Variants in TNFRSF1A observed in about 807,000 individuals in gnomAD.
TNFRSF1A encodes tumor necrosis factor receptor superfamily member 1A.
A neutral mutation model predicts 41.6 loss-of-function variants in TNFRSF1A; 9 were observed. The observed-to-expected ratio is 0.22, with a 90% CI of 0.13 to 0.38. TNFRSF1A has a LOEUF of 0.38. TNFRSF1A is among the 10% of genes least tolerant of loss of function. TNFRSF1A has a pLI of 1.00. For missense variants in TNFRSF1A, 463 were observed against 591.5 expected, an observed-to-expected ratio of 0.78 and a Z score of 2.25; for synonymous variants, 254 against 248.6, an observed-to-expected ratio of 1.02 and a Z score of -0.21.
intron 1 of TNFRSF1A, among the ~76,000 whole-genome samples, chr12:6,339,841 T>TCTCACACA (rs762783221): frequency 0.016 from 1,774 of 113,598 alleles, 20 homozygotes; most frequent in African/African-American, 0.044. Flanking sequence ...TCTCTCTCTC[T>TCTCACACA]CACACACACA....
chr12:6,341,753 C>G lies in TNFRSF1A; in HGVS notation c.39+23G>C, dbSNP rs4441073. ...AAGGTGCCTCGCCCACCAGCCCACTCTTCCCTTTGTCCCTGGTCTCACCAG... is the reference window on the plus strand; with the variant it reads ...AAGGTGCCTCGCCCACCAGCCCACTGTTCCCTTTGTCCCTGGTCTCACCAG... On this transcript the variant is annotated intron_variant, in intron 1 of 9. Coordinates refer to ENST00000162749, the MANE Select transcript of TNFRSF1A (RefSeq NM_001065.4). This position sits in a 1 kb window ranked among gnomAD's most constrained non-coding sequence, Gnocchi z 4.6. 6.2e-7 allele frequency: 1 copy of G among 1,613,952 alleles called. No individual in the cohort carries two copies. The highest frequency in any genetic ancestry group is 1.1e-5 in the South Asian group (1 of 91,078).
rs4149571 is a variant in TNFRSF1A, at chr12:6,341,029, G to T, written c.39+747C>A. ...ACAGGCCCAGGGACACTGACCAGGT[G>T]GGGGTAGGACTAGCTCCCTGGGAAG... On this transcript the variant is annotated intron_variant, in intron 1 of 9. Transcript: ENST00000162749. The surrounding 1 kb of genome is among the most constrained non-coding windows in gnomAD (Gnocchi z 4.6). Among the ~76,000 whole-genome samples, 1,264 of 152,270 alleles carry T rather than the reference G, an allele frequency of 8.3e-3. 9 individuals carry two copies. Among genetic ancestry groups the T allele is most frequent in the Non-Finnish European group, 0.013 (894 of 68,010 alleles).
rs1948199902 is a variant in TNFRSF1A at position 6,341,872 on chromosome 12, C to T, written c.-58G>A. 5 of 1,603,070 alleles carry T rather than the reference C, an allele frequency of 3.1e-6. No individual in the cohort carries two copies. Among genetic ancestry groups the T allele is most frequent in the Non-Finnish European group, 3.4e-6 (4 of 1,170,638 alleles). ...TGGGCTCAGGGCAGTGTGGCAGCGG[C>T]AGTGCTGGGGCTTCCCGGGACTCGG... On this transcript the variant is annotated 5_prime_UTR_variant, in exon 1 of 10. Coordinates refer to ENST00000162749, the MANE Select transcript of TNFRSF1A (RefSeq NM_001065.4). The surrounding 1 kb of genome is among the most constrained non-coding windows in gnomAD (Gnocchi z 4.6).
chr12:6,332,828 T>G (rs1948068230), intron 5 of TNFRSF1A, among the ~76,000 whole-genome samples: 1 of 152,194 alleles, frequency 6.6e-6, no homozygotes, highest in Non-Finnish European at 1.5e-5. Flanking sequence ...AATCTACATA[T>G]CTGAGTTGGA....
At chr12:6,330,512 ACCTCCCT>A in intron 7 of TNFRSF1A, 79 bp downstream of exon 7, 1 of 1,108,892 alleles carries the variant, frequency 9.0e-7, no homozygotes, top group Non-Finnish European at 1.4e-6. Flanking sequence ...GACACTCCTC[ACCTCCCT>A]CCACACATGT....
At position 6,333,584 on chromosome 12, in the gene TNFRSF1A, C is replaced by T. The variant is rs987293135; in HGVS notation, c.323-68G>A. 1 of 1,608,806 alleles carries T rather than the reference C, an allele frequency of 6.2e-7. No homozygotes were observed. The highest frequency in any genetic ancestry group is 1.1e-5 in the South Asian group (1 of 90,440). Reference sequence around the variant, plus strand: ...GTCCCTGCATCCCCTTCCTGACATACCCCTAAGTGTGTGTCTCTGTAATAC... The same window carrying T: ...GTCCCTGCATCCCCTTCCTGACATATCCCTAAGTGTGTGTCTCTGTAATAC... On this transcript the variant is annotated intron_variant, in intron 3 of 9. Transcript: ENST00000162749. The surrounding 1 kb of genome is among the most constrained non-coding windows in gnomAD (Gnocchi z 6.3).
Position 6,334,272 on chromosome 12 carries a change from C to T in TNFRSF1A, c.40-28G>A. 1.9e-6 allele frequency: 3 copies of T among 1,603,776 alleles called. No individual in the cohort carries two copies. The highest frequency in any genetic ancestry group is 1.9e-4 in the Middle Eastern group (1 of 5,298). On this transcript the variant is annotated intron_variant, in intron 1 of 9. Transcript: ENST00000162749. This position sits in a 1 kb window ranked among gnomAD's most constrained non-coding sequence, Gnocchi z 5.1. Reference sequence around the variant, plus strand: ...GGGGAAGAATCAGATAGAGGAGACACCATCAAGAGAGGGAGGGATGGGAAG... The same window carrying T: ...GGGGAAGAATCAGATAGAGGAGACATCATCAAGAGAGGGAGGGATGGGAAG...
In TNFRSF1A at chr12:6,334,734, A is replaced by C. The variant is rs1330579407; in HGVS notation, c.40-490T>G. On this transcript the variant is annotated intron_variant, in intron 1 of 9. Coordinates refer to ENST00000162749, the MANE Select transcript of TNFRSF1A (RefSeq NM_001065.4). The surrounding 1 kb of genome is among the most constrained non-coding windows in gnomAD (Gnocchi z 5.1). ...AGACTGGTCTCAAAATCCTGGGCTC[A>C]AGTGATCCTCCCACCTTGGCTTCCC... Among the ~76,000 whole-genome samples, 1 of 152,196 alleles carries C rather than the reference A, an allele frequency of 6.6e-6. No homozygotes were observed. Among genetic ancestry groups the C allele is most frequent in the African/African-American group, 2.4e-5 (1 of 41,454 alleles).
chr12:6,329,107 C>A lies in TNFRSF1A; in HGVS notation c.*205G>T. 1 of 462,610 alleles carries A rather than the reference C, an allele frequency of 2.2e-6. No individual in the cohort carries two copies. Among genetic ancestry groups the A allele is most frequent in the Non-Finnish European group, 3.6e-6 (1 of 277,758 alleles). 28.7% of individuals were successfully genotyped at this position (462,610 alleles called of 1,614,324 possible). A position where few individuals can be genotyped will look rare whatever the true frequency, so the allele number is the denominator to read the frequency against. ...CCACCCACTCAGGCTCTTGAGCCCA[C>A]GGCGCACCTCTCTCCGCGCGCACAG... On this transcript the variant is annotated 3_prime_UTR_variant, in exon 10 of 10. Transcript: ENST00000162749.
chr12:6,335,542 G>T (rs1948109647), intron 1 of TNFRSF1A, among the ~76,000 whole-genome samples: 2 of 152,176 alleles, frequency 1.3e-5, no homozygotes, highest in African/African-American at 4.8e-5. Context: ...AGCCAGGAGT[G>T]AATATTTAGC....
At chr12:6,331,396 G>A (rs1164605705) in intron 5 of TNFRSF1A, 1 of 235,468 alleles carries the variant, frequency 4.2e-6, no homozygotes, top group Non-Finnish European at 8.6e-6. Flanking sequence ...GCAAAGAGAG[G>A]TTAAAGGGCT....
chr12:6,336,786 G>A (rs528568554), intron 1 of TNFRSF1A, among the ~76,000 whole-genome samples: 1 of 152,258 alleles, frequency 6.6e-6, no homozygotes, highest in African/African-American at 2.4e-5. Context: ...CCCATTCCGT[G>A]AGCTCTCACT....
intron 1 of TNFRSF1A, among the ~76,000 whole-genome samples, chr12:6,335,805 C>T (rs995852618): frequency 6.6e-5 from 10 of 152,164 alleles, no homozygotes; most frequent in East Asian, 1.9e-4. Context: ...GAGTCAGCCA[C>T]GGGGAGACGC....
intron 6 of TNFRSF1A, 39 bp downstream of exon 6, chr12:6,330,814 A>C: frequency 1.3e-6 from 2 of 1,598,254 alleles, no homozygotes; most frequent in Non-Finnish European, 1.7e-6. Flanking sequence ...GAAGAGGGAG[A>C]GGGCAGGTGA....
In TNFRSF1A at chr12:6,334,076, T is replaced by C. The variant is rs934635648; in HGVS notation, c.193+15A>G. 3 of 1,614,104 alleles carry C rather than the reference T, an allele frequency of 1.9e-6. No homozygotes were observed. In the African/African-American group the frequency reaches 4.0e-5, roughly 22 times the overall value. ...CCCAGACCTGAGGGCATTCACCGTT[T>C]CCACTTGCCCCTACCTTTGTGGCAC... is the stretch of plus-strand genomic sequence containing the variant. On this transcript the variant is annotated intron_variant, in intron 2 of 9. Transcript: ENST00000162749. This position sits in a 1 kb window ranked among gnomAD's most constrained non-coding sequence, Gnocchi z 5.1.
intron 1 of TNFRSF1A, among the ~76,000 whole-genome samples, chr12:6,339,300 C>T (rs1255345797): frequency 6.6e-6 from 1 of 152,186 alleles, no homozygotes; most frequent in Non-Finnish European, 1.5e-5. Flanking sequence ...GCTTTCCCTC[C>T]GCCATCCCAT....
At chr12:6,332,753 G>A (rs1948067370) in intron 5 of TNFRSF1A, among the ~76,000 whole-genome samples, 1 of 152,216 alleles carries the variant, frequency 6.6e-6, no homozygotes, top group Non-Finnish European at 1.5e-5. Flanking sequence ...ACCAGTTATA[G>A]GAGGTTTGAT....
At position 6,334,041 on chromosome 12, in the gene TNFRSF1A, G is replaced by C; in HGVS notation, c.193+50C>G. On this transcript the variant is annotated intron_variant, in intron 2 of 9. Coordinates refer to ENST00000162749, the MANE Select transcript of TNFRSF1A (RefSeq NM_001065.4). The surrounding 1 kb of genome is among the most constrained non-coding windows in gnomAD (Gnocchi z 5.1). ...AGAACAACTGGAAGAAGCAGAGAAA[G>C]AAGCAGCACCCCAGACCTGAGGGCA... 6.2e-7 allele frequency: 1 copy of C among 1,613,664 alleles called. No homozygotes were observed. Among genetic ancestry groups the C allele is most frequent in the Non-Finnish European group, 8.5e-7 (1 of 1,179,548 alleles).
intron 8 of TNFRSF1A, 98 bp downstream of exon 8, chr12:6,330,169 C>T: frequency 6.2e-7 from 1 of 1,612,254 alleles, no homozygotes; most frequent in Non-Finnish European, 8.5e-7. Context: ...TGAGGCGAGC[C>T]CCCGGAAAGT....
Sources: allele counts gnomAD v4.1 joint callset (sites outside exome capture counted in the v4.1 genomes callset), GRCh38; gene constraint gnomAD v4.1.1; non-coding constraint Gnocchi (gnomAD v3.1); transcripts MANE v1.5; gene names NCBI Gene and HGNC (gene_info 2026-07-23, HGNC 2026-07-21).